Variants in ZNF33A observed in about 807,000 individuals in gnomAD.
The protein encoded by ZNF33A is brain my041 protein.
ZNF33A carries 9 observed loss-of-function variants against 15.9 expected under a neutral mutation model. That is an observed-to-expected ratio of 0.57 (90% CI 0.34 to 0.99). The LOEUF is 0.99. Among genes scored for constraint, ZNF33A ranks in the 50% least tolerant of loss-of-function variants. The pLI is 0.02. For synonymous variants in ZNF33A, 294 were observed against 324.2 expected (o/e 0.91, Z 1.00); for missense variants, 843 against 941.6 (o/e 0.90, Z 1.37).
chr10:38,017,600 T>A (rs1247641756), intron 4 of ZNF33A: 1 of 375,732 alleles, frequency 2.7e-6, no homozygotes, highest in Non-Finnish European at 4.8e-6. Flanking sequence ...GAATGTTTAC[T>A]ATTCTTACAC....
At position 38,058,891 on chromosome 10, in the gene ZNF33A, A is replaced by G. The variant is rs1216221519; in HGVS notation, c.*2331A>G. The G allele has an allele frequency of 6.6e-6, 1 of 152,230 alleles. No homozygotes were observed. Among genetic ancestry groups the G allele is most frequent in the Non-Finnish European group, 1.5e-5 (1 of 68,046 alleles). The allele number at this position is 152,230 out of a possible 1,614,324, so 9.4% of individuals were successfully genotyped here. The stretch of plus-strand genomic sequence containing the variant: ...TCTCTACCATCTCTTTCAGAAAATA[A>G]AAGCAGAGATAACACTTCCCAACTC... On this transcript the variant is annotated 3_prime_UTR_variant, in exon 5 of 5. Coordinates refer to ENST00000432900, the MANE Select transcript of ZNF33A (RefSeq NM_006954.2).
In ZNF33A at chr10:38,060,023, G is replaced by T; in HGVS notation, c.*3463G>T. 1 of 983,616 alleles carries T rather than the reference G, an allele frequency of 1.0e-6. No homozygotes were observed. Among genetic ancestry groups the T allele is most frequent in the Non-Finnish European group, 1.2e-6 (1 of 828,294 alleles). 60.9% of individuals were successfully genotyped at this position (983,616 alleles called of 1,614,324 possible). A position where few individuals can be genotyped will look rare whatever the true frequency, so the allele number is the denominator to read the frequency against. On this transcript the variant is annotated 3_prime_UTR_variant, in exon 5 of 5. Transcript: ENST00000432900. Reference sequence around the variant, plus strand: ...CCCTAAAGCTACTCTAAAAAATGAAGTGTATCAAGTAAATAAATAACCAAC... The same window carrying T: ...CCCTAAAGCTACTCTAAAAAATGAATTGTATCAAGTAAATAAATAACCAAC...
chr10:38,030,174 C>T (rs544189623), intron 4 of ZNF33A, among the ~76,000 whole-genome samples: 1 of 152,302 alleles, frequency 6.6e-6, no homozygotes, highest in African/African-American at 2.4e-5. Flanking sequence ...ATGCTACAGT[C>T]ATTCTAGAAA....
chr10:38,043,761 T>A (rs1248879189), intron 4 of ZNF33A: 2 of 152,122 alleles, frequency 1.3e-5, no homozygotes, highest in Non-Finnish European at 2.9e-5. Context: ...AGAAGCCATA[T>A]GTTAATCTTA....
intron 4 of ZNF33A, among the ~76,000 whole-genome samples, chr10:38,019,289 T>TC (rs1422215828): frequency 3.3e-5 from 5 of 151,480 alleles, no homozygotes; most frequent in Non-Finnish European, 5.9e-5. Context: ...TCCAGTTTCA[T>TC]CCATGTCCCT....
intron 4 of ZNF33A, among the ~76,000 whole-genome samples, chr10:38,037,959 A>G (rs1027960268): frequency 3.9e-5 from 6 of 152,146 alleles, no homozygotes; most frequent in African/African-American, 1.4e-4. Context: ...TTAATTTGGC[A>G]GTTATTGCCA....
chr10:38,028,977 ATGT>A (rs2135610776), intron 4 of ZNF33A, among the ~76,000 whole-genome samples: 1 of 152,206 alleles, frequency 6.6e-6, no homozygotes, highest in African/African-American at 2.4e-5. Flanking sequence ...CATCCCCTTT[ATGT>A]TGTTTTCACA....
intron 4 of ZNF33A, among the ~76,000 whole-genome samples, chr10:38,054,051 T>A (rs1472034847): frequency 6.6e-6 from 1 of 152,218 alleles, no homozygotes; most frequent in Non-Finnish European, 1.5e-5. Context: ...TGGTGACCTT[T>A]ATAATTCTTG....
intron 3 of ZNF33A, 35 bp downstream of exon 3, chr10:38,017,050 T>C (rs773115689): frequency 1.3e-6 from 2 of 1,585,592 alleles, no homozygotes; most frequent in South Asian, 2.3e-5. Flanking sequence ...CTAAATAGCA[T>C]TTGTTTATTC....
intron 4 of ZNF33A, among the ~76,000 whole-genome samples, chr10:38,022,872 A>G (rs2135576223): frequency 6.6e-6 from 1 of 152,288 alleles, no homozygotes; most frequent in Middle Eastern, 3.4e-3. Flanking sequence ...CTCACTAGAG[A>G]ATTCTACCAA....
chr10:38,044,208 CTT>C (rs35770536), intron 4 of ZNF33A, among the ~76,000 whole-genome samples: 13 of 135,986 alleles, frequency 9.6e-5, no homozygotes, highest in Admixed American at 1.5e-4. Context: ...TCTTTTCTTT[CTT>C]TTTTTTTTTT....
intron 4 of ZNF33A, among the ~76,000 whole-genome samples, chr10:38,051,609 T>C (rs2066208185): frequency 6.6e-6 from 1 of 150,456 alleles, no homozygotes; most frequent in Admixed American, 6.7e-5. Flanking sequence ...TTAAAAACTA[T>C]TAGTAATTAT....
intron 4 of ZNF33A, among the ~76,000 whole-genome samples, chr10:38,051,796 AT>A (rs1475516583): frequency 1.3e-5 from 2 of 152,068 alleles, no homozygotes; most frequent in Non-Finnish European, 2.9e-5. Flanking sequence ...ACTGCCTCAC[AT>A]TTTTATTTTG....
At chr10:38,066,976 C>T (rs186387616), downstream of ZNF33A, among the ~76,000 whole-genome samples, 3 of 152,160 alleles carry the variant, frequency 2.0e-5, no homozygotes, top group African/African-American at 4.8e-5. Flanking sequence ...TGATGAGAAA[C>T]GGGACTTTAT....
At chr10:38,032,098 A>G (rs1323757061) in intron 4 of ZNF33A, among the ~76,000 whole-genome samples, 4 of 152,172 alleles carry the variant, frequency 2.6e-5, no homozygotes, top group African/African-American at 9.6e-5. Flanking sequence ...CTCATAGAGG[A>G]TCTACTGTCC....
intron 4 of ZNF33A, among the ~76,000 whole-genome samples, chr10:38,052,925 T>C (rs566558877): frequency 6.6e-6 from 1 of 151,874 alleles, no homozygotes; most frequent in East Asian, 1.9e-4. Context: ...TTTTTAATAT[T>C]AGATTTATTC....
At chr10:38,062,120 C>G (rs1457354531), downstream of ZNF33A, among the ~76,000 whole-genome samples, 1 of 152,120 alleles carries the variant, frequency 6.6e-6, no homozygotes, top group African/African-American at 2.4e-5. Flanking sequence ...ACCCTTTCTG[C>G]CCCTCCCCTT....
chr10:38,010,855 C>G, intron 1 of ZNF33A, 72 bp downstream of exon 1: 1 of 1,570,010 alleles, frequency 6.4e-7, no homozygotes, highest in Non-Finnish European at 8.6e-7. Context: ...GGCAGGGGGC[C>G]GGTACCAAGT....
chr10:38,021,841 A>G (rs903280889), intron 4 of ZNF33A, among the ~76,000 whole-genome samples: 11 of 152,238 alleles, frequency 7.2e-5, no homozygotes, highest in African/African-American at 2.7e-4. Flanking sequence ...GAGTGACAAT[A>G]GGAAAATATC....
Sources: gnomAD v4.1 joint callset for allele counts (sites outside exome capture counted in the v4.1 genomes callset) on GRCh38, gnomAD v4.1.1 for gene constraint, MANE v1.5 for transcripts, NCBI Gene and HGNC (gene_info 2026-07-23, HGNC 2026-07-21) for gene names.